Variants in SFSWAP observed in about 807,000 individuals in gnomAD.
SFSWAP encodes the protein splicing factor SWAP, also known as splicing factor, suppressor of white-apricot homolog.
Under a neutral mutation model 100.7 loss-of-function variants are expected in SFSWAP, and 17 were observed. The observed-to-expected ratio is 0.17, with a 90% confidence interval of 0.12 to 0.25. SFSWAP has a LOEUF of 0.25. SFSWAP is among the 10% of genes least tolerant of loss of function. SFSWAP has a pLI of 1.00. For missense variants in SFSWAP, 1,005 were observed against 1,262.6 expected (o/e 0.80, Z 3.09); for synonymous variants, 504 against 510.1 (o/e 0.99, Z 0.16).
At chr12:131,785,022 C>T in intron 14 of SFSWAP, 3 of 1,443,366 alleles carry the variant, frequency 2.1e-6, no homozygotes, top group Non-Finnish European at 2.8e-6. Context: ...TGGTAGCGCC[C>T]AGCCCAGCAC....
In SFSWAP at chr12:131,714,587, A is replaced by G. The variant is rs1003040261; in HGVS notation, c.389-235A>G. 3.8e-6 allele frequency: 2 copies of G among 528,198 alleles called. No individual in the cohort carries two copies. Among genetic ancestry groups the G allele is most frequent in the African/African-American group, 1.9e-5 (1 of 52,960 alleles). The allele number at this position is 528,198 out of a possible 1,614,324, so 32.7% of individuals were successfully genotyped here. ...CAGTTCTTAATCCCAAAATTTTCTC[A>G]GCAGGAAGAAATTTTCCACAAAAGA... is the stretch of plus-strand genomic sequence containing the variant. On this transcript the variant is annotated intron_variant, in intron 2 of 17. Transcript: ENST00000261674. The surrounding 1 kb of genome is among the most constrained non-coding windows in gnomAD (Gnocchi z 6.0).
At position 131,714,350 on chromosome 12, in the gene SFSWAP, G is replaced by T; in HGVS notation, c.388+110G>T. 1.1e-6 allele frequency: 1 copy of T among 911,562 alleles called. No homozygotes were observed. Among genetic ancestry groups the T allele is most frequent in the Non-Finnish European group, 1.6e-6 (1 of 608,086 alleles). The allele number at this position is 911,562 out of a possible 1,614,324, so 56.5% of individuals were successfully genotyped here. Reference sequence around the variant, plus strand: ...TACTCACTCTTTCTGATATTATCTTGACAGTACCCAGTGGATTGGAAAAAC... The same window carrying T: ...TACTCACTCTTTCTGATATTATCTTTACAGTACCCAGTGGATTGGAAAAAC... On this transcript the variant is annotated intron_variant, in intron 2 of 17. Coordinates refer to ENST00000261674, the MANE Select transcript of SFSWAP (RefSeq NM_004592.4). The surrounding 1 kb of genome is among the most constrained non-coding windows in gnomAD (Gnocchi z 6.0).
At position 131,716,166 on chromosome 12, in the gene SFSWAP, C is replaced by T. The variant is rs900123000; in HGVS notation, c.520+1213C>T. ...TAGGACGTGGGGCAAACGCACACAC[C>T]GGCTTTCCTTTTGCCCTGTCTTTAG... is the stretch of plus-strand genomic sequence containing the variant. On this transcript the variant is annotated intron_variant, in intron 3 of 17. Transcript: ENST00000261674. Among the ~76,000 whole-genome samples the T allele has an allele frequency of 4.6e-5, 7 of 152,234 alleles. No homozygotes were observed. In the East Asian group the frequency reaches 9.6e-4, roughly 21 times the overall value.
chr12:131,737,169 C>T (rs1593129529), intron 7 of SFSWAP, among the ~76,000 whole-genome samples: 1 of 152,170 alleles, frequency 6.6e-6, no homozygotes, highest in South Asian at 2.1e-4. Flanking sequence ...CCGAGCGCTG[C>T]AGGGCCACCC....
At chr12:131,786,329 TCA>T (rs1884884424) in intron 14 of SFSWAP, 132 bp from the exon 15 acceptor site, 1 of 1,084,284 alleles carries the variant, frequency 9.2e-7, no homozygotes, top group African/African-American at 1.6e-5. Flanking sequence ...CTCTGAAGCC[TCA>T]GGGTCTACAC....
intron 14 of SFSWAP, chr12:131,783,769 A>G (rs1336815663): frequency 8.1e-6 from 1 of 123,138 alleles, no homozygotes; most frequent in Admixed American, 9.2e-5. Context: ...ACAGAGTGAG[A>G]CTCCGTCTCA....
intron 3 of SFSWAP, 98 bp from the exon 4 acceptor site, chr12:131,719,356 A>C: frequency 2.4e-6 from 2 of 816,692 alleles, no homozygotes; most frequent in Non-Finnish European, 4.2e-6. Context: ...GTAAAGAAGC[A>C]GGGACAGCCA....
At chr12:131,784,831 C>T (rs1884774070) in intron 14 of SFSWAP, 1 of 348,234 alleles carries the variant, frequency 2.9e-6, no homozygotes, top group Non-Finnish European at 5.1e-6. Flanking sequence ...ACAGCCACTT[C>T]CCTTTAAAGA....
At chr12:131,736,951 A>G (rs761499194) in intron 7 of SFSWAP, among the ~76,000 whole-genome samples, 19 of 152,200 alleles carry the variant, frequency 1.2e-4, no homozygotes, top group Middle Eastern at 3.4e-3. Context: ...CGGGCAGTCT[A>G]TCAGTCTAAA....
At chr12:131,789,069 C>G (rs1159938727) in intron 15 of SFSWAP, among the ~76,000 whole-genome samples, 1 of 152,148 alleles carries the variant, frequency 6.6e-6, no homozygotes, top group African/African-American at 2.4e-5. Context: ...CGGCCTCAAC[C>G]TCCTGGGTTC....
chr12:131,734,322 A>T lies in SFSWAP; in HGVS notation c.1081+5894A>T, dbSNP rs1879798108. ...TTACAGACTTTGGATTCTTACGAAG[A>T]CAAGAATGAATGTCTTGGCTAACCA... On this transcript the variant is annotated intron_variant, in intron 7 of 17. Transcript: ENST00000261674. The surrounding 1 kb of genome is among the most constrained non-coding windows in gnomAD (Gnocchi z 4.9). 6.6e-6 allele frequency among the ~76,000 whole-genome samples: 1 copy of T among 152,248 alleles called. No individual in the cohort carries two copies. The highest frequency in any genetic ancestry group is 1.5e-5 in the Non-Finnish European group (1 of 68,048).
chr12:131,725,918 C>A lies in SFSWAP; in HGVS notation c.832+288C>A, dbSNP rs1878921260. ...CATCTGGGTGGGAAATTTTTGCCCT[C>A]ATTTTGCCCACTTAACATTTCATAG... is the stretch of plus-strand genomic sequence containing the variant. On this transcript the variant is annotated intron_variant, in intron 5 of 17. Transcript: ENST00000261674. The surrounding 1 kb of genome is among the most constrained non-coding windows in gnomAD (Gnocchi z 4.3). 2.0e-5 allele frequency among the ~76,000 whole-genome samples: 3 copies of A among 152,078 alleles called. No homozygotes were observed. The highest frequency in any genetic ancestry group is 2.0e-4 in the Admixed American group (3 of 15,254).
In SFSWAP at chr12:131,756,620, G is replaced by A. The variant is rs763682971; in HGVS notation, c.1696G>A (p.Val566Ile). ...GKKEASSSKT[V>I]PDGKLVKASF... is the part of the protein sequence containing the mutation. ...GAAGGAGGCATCGTCCAGTAAGACC[G>A]TCCCGGACGGGAAGCTGGTGAAAGG... Residue 566 changes from valine to isoleucine, a missense_variant, in exon 11 of 18, where the codon GTC becomes ATC. This residue lies in a region of SFSWAP where 82 missense variants were observed against 131.0 expected (regional missense o/e 0.63). Coordinates refer to ENST00000261674, the MANE Select transcript of SFSWAP (RefSeq NM_004592.4). The A allele has an allele frequency of 8.9e-5, 142 of 1,600,716 alleles. No individual in the cohort carries two copies. Among genetic ancestry groups the A allele is most frequent in the Middle Eastern group, 6.8e-4 (4 of 5,854 alleles).
chr12:131,797,667 C>T (rs1449766962), intron 16 of SFSWAP, among the ~76,000 whole-genome samples: 3 of 152,252 alleles, frequency 2.0e-5, no homozygotes, highest in African/African-American at 4.8e-5. Context: ...GCACACTGGG[C>T]TGTGCAATGA....
chr12:131,743,286 T>C (rs982968107), intron 7 of SFSWAP, among the ~76,000 whole-genome samples: 2 of 152,234 alleles, frequency 1.3e-5, no homozygotes, highest in African/African-American at 4.8e-5. Flanking sequence ...ACATCTCATC[T>C]GAGACAAGGC....
At position 131,728,914 on chromosome 12, in the gene SFSWAP, C is replaced by T. The variant is rs555499685; in HGVS notation, c.1081+486C>T. On this transcript the variant is annotated intron_variant, in intron 7 of 17. Coordinates refer to ENST00000261674, the MANE Select transcript of SFSWAP (RefSeq NM_004592.4). The stretch of plus-strand genomic sequence containing the variant: ...CTCACTATGTTGCCCAGGCTGGTCT[C>T]GAGCTCCTGGGCTTAAGCAGTCCTC... Among the ~76,000 whole-genome samples, 3 of 152,184 alleles carry T rather than the reference C, an allele frequency of 2.0e-5. No individual in the cohort carries two copies. In the East Asian group the frequency reaches 5.8e-4, roughly 29 times the overall value.
intron 14 of SFSWAP, 147 bp from the exon 15 acceptor site, chr12:131,786,316 G>A (rs1884883436): frequency 1.1e-6 from 1 of 897,382 alleles, no homozygotes; most frequent in Admixed American, 3.0e-5. Flanking sequence ...TGTGGCAGGG[G>A]TTCTCTGAAG....
At chr12:131,781,704 T>C (rs1055355059) in intron 14 of SFSWAP, among the ~76,000 whole-genome samples, 1 of 152,208 alleles carries the variant, frequency 6.6e-6, no homozygotes, top group South Asian at 2.1e-4. Context: ...TAAAACACTT[T>C]ACAGCGTCAG....
rs528484940 is a variant in SFSWAP at position 131,790,658 on chromosome 12, C to T, written c.2534+4070C>T. Among the ~76,000 whole-genome samples, 14 of 152,164 alleles carry T rather than the reference C, an allele frequency of 9.2e-5. No homozygotes were observed. In the East Asian group the frequency reaches 1.7e-3, roughly 19 times the overall value. On this transcript the variant is annotated intron_variant, in intron 15 of 17. Coordinates refer to ENST00000261674, the MANE Select transcript of SFSWAP (RefSeq NM_004592.4). ...GGTAGCACACTTCAACAAGATGTCC[C>T]GGTTATCTTATTGTAGCAAATACAA...
Sources: gnomAD v4.1 joint callset for allele counts (sites outside exome capture counted in the v4.1 genomes callset) on GRCh38, gnomAD v4.1.1 for gene constraint, gnomAD v4.1.1 regional missense constraint, Gnocchi (gnomAD v3.1) non-coding constraint, MANE v1.5 for transcripts, NCBI Gene and HGNC (gene_info 2026-07-23, HGNC 2026-07-21) for gene names.